Variants in ZNF514 observed in about 807,000 individuals in gnomAD.
ZNF514 encodes zinc finger protein 514.
ZNF514 carries 12 observed loss-of-function variants against 9.7 expected under a neutral mutation model. The ratio of observed to expected loss-of-function variants is 1.24; its 90% CI spans 0.79 to 2.01. The LOEUF (loss-of-function observed/expected upper bound fraction) is 2.01. Ranked by LOEUF, ZNF514 falls within the 30% of genes most tolerant of loss-of-function variation. ZNF514 has a pLI of 0.00. For synonymous variants in ZNF514, 158 were observed against 163.7 expected (o/e 0.97, Z 0.27); for missense variants, 467 against 465.5 (o/e 1.00, Z -0.03).
At chr2:95,135,566 C>T in the ZNF514 span, among the ~76,000 whole-genome samples, 110 of 151,784 alleles carry the variant, frequency 7.2e-4, no homozygotes, top group African/African-American at 2.3e-3. Flanking sequence ...GGACTACAGG[C>T]CCACACCACT....
chr2:95,150,343 T>C, intron 4 of ZNF514, 76 bp from the exon 5 acceptor site: 1 of 1,423,890 alleles, frequency 7.0e-7, no homozygotes. Flanking sequence ...AGCAAGCTCC[T>C]ATAATGAATG....
intron 4 of ZNF514, 26 bp downstream of exon 4, chr2:95,152,648 T>C: frequency 1.2e-6 from 2 of 1,601,240 alleles, no homozygotes; most frequent in Non-Finnish European, 1.7e-6. Flanking sequence ...CCTTATCATA[T>C]GCAATGCTTT....
chr2:95,159,244 G>C lies in ZNF514; in HGVS notation c.-100C>G, dbSNP rs1302379829. On this transcript the variant is annotated 5_prime_UTR_variant, in exon 1 of 5. Transcript: ENST00000295208. ...TCGCCAAGTCCGGCCTCCTACCCCC[G>C]GCTCGGCTCCTCCTCAGGACCAGGC... 1 of 191,166 alleles carries C rather than the reference G, an allele frequency of 5.2e-6. No homozygotes were observed. The highest frequency in any genetic ancestry group is 1.1e-5 in the Non-Finnish European group (1 of 91,962). The allele number at this position is 191,166 out of a possible 1,614,324, so 11.8% of individuals were successfully genotyped here.
Position 95,153,178 on chromosome 2 carries a change from A to G in ZNF514, c.76T>C (p.Tyr26His). Residue 26 changes from tyrosine to histidine, a missense_variant, in exon 3 of 5, where the codon TAC becomes CAC. Coordinates refer to ENST00000295208, the MANE Select transcript of ZNF514 (RefSeq NM_032788.3). The part of the protein sequence containing the change: ...GQLNPAQKDL[Y>H]REVMLENFRN... ...AAGTTCTCCAGCATCACCTCCCTGT[A>G]GAGGTCCTTCTGAGCAGGGTTCAGC... 2 of 1,614,104 alleles carry G rather than the reference A, an allele frequency of 1.2e-6. No individual in the cohort carries two copies. Among genetic ancestry groups the G allele is most frequent in the Middle Eastern group, 1.6e-4 (1 of 6,062 alleles).
At chr2:95,158,930 G>A in intron 1 of ZNF514, 3 of 1,289,772 alleles carry the variant, frequency 2.3e-6, no homozygotes, top group Non-Finnish European at 2.0e-6. Context: ...CTCCCCAAGA[G>A]GGCTCCTGGC....
At chr2:95,127,580 TG>T in the ZNF514 span, among the ~76,000 whole-genome samples, 1 of 151,768 alleles carries the variant, frequency 6.6e-6, no homozygotes, top group African/African-American at 2.4e-5. Flanking sequence ...TTTTTGTTTT[TG>T]TTTTTTTGTT....
chr2:95,132,550 A>T, the ZNF514 span, among the ~76,000 whole-genome samples: 1 of 152,122 alleles, frequency 6.6e-6, no homozygotes, highest in Non-Finnish European at 1.5e-5. Context: ...GCCATTCTGG[A>T]AAACATTTTG....
the ZNF514 span, among the ~76,000 whole-genome samples, chr2:95,130,847 G>C: frequency 2.6e-5 from 4 of 152,144 alleles, no homozygotes; most frequent in Non-Finnish European, 5.9e-5. Flanking sequence ...CTCCTCAACT[G>C]ACAGGATTAA....
At position 95,152,362 on chromosome 2, in the gene ZNF514, G is replaced by T. The variant is rs117363613; in HGVS notation, c.217+312C>A. Among the ~76,000 whole-genome samples the T allele has an allele frequency of 8.6e-4, 131 of 151,958 alleles. 2 individuals are homozygous for T. The East Asian group carries it at 0.023, about 26-fold the overall frequency. ...AACTCCCTTAACTCTGCTGATCTAG[G>T]ATTGCCTGGCCCTATACGATTGTTG... On this transcript the variant is annotated intron_variant, in intron 4 of 4. Coordinates refer to ENST00000295208, the MANE Select transcript of ZNF514 (RefSeq NM_032788.3).
chr2:95,126,758 C>A, the ZNF514 span, among the ~76,000 whole-genome samples: 1 of 151,982 alleles, frequency 6.6e-6, no homozygotes, highest in African/African-American at 2.4e-5. Context: ...CATGTGAGCC[C>A]ATTTTCTTTT....
At chr2:95,154,652 G>GA (rs1419320370) in intron 2 of ZNF514, 1 of 152,120 alleles carries the variant, frequency 6.6e-6, no homozygotes, top group Non-Finnish European at 1.5e-5. Flanking sequence ...AGTATTACAA[G>GA]AAAAAATGAG....
chr2:95,125,425 G>A, the ZNF514 span, among the ~76,000 whole-genome samples: 24 of 151,974 alleles, frequency 1.6e-4, no homozygotes, highest in South Asian at 3.3e-3. Flanking sequence ...ATTTTTAGTA[G>A]AGACAGGTTT....
At chr2:95,126,947 G>A in the ZNF514 span, among the ~76,000 whole-genome samples, 3 of 152,130 alleles carry the variant, frequency 2.0e-5, no homozygotes, top group Admixed American at 6.5e-5. Flanking sequence ...TGCGCCCACC[G>A]TGAGACAGAC....
chr2:95,144,087 G>T (rs533501861), downstream of ZNF514, among the ~76,000 whole-genome samples: 1 of 152,122 alleles, frequency 6.6e-6, no homozygotes. Context: ...TCAGGGCAGC[G>T]GTCCCAACTG....
In ZNF514 at chr2:95,149,510, G is replaced by C. The variant is rs775525634; in HGVS notation, c.975C>G (p.Phe325Leu). The stretch of plus-strand genomic sequence containing the variant: ...GCACAATGAGTGATGAGCTCTGGCT[G>C]AAGGTTCTCCCACATTCCCGGCATT... ...PYECRECGRT[F>L]SQSSSLIVHY... Residue 325 changes from phenylalanine to leucine, a missense_variant, in exon 5 of 5, where the codon TTC becomes TTG. Coordinates refer to ENST00000295208, the MANE Select transcript of ZNF514 (RefSeq NM_032788.3). 2.5e-6 allele frequency: 4 copies of C among 1,613,926 alleles called. No homozygotes were observed. In the South Asian group the frequency reaches 4.4e-5, roughly 18 times the overall value.
Position 95,149,555 on chromosome 2 carries a change from A to AT in ZNF514, c.929dup (p.His310GlnfsTer8), listed in dbSNP as rs1489971687. ...GGCATTCATAGGGCTTTTCTCCAGTATGAGTCCTCTGATGCTTAATAAGGG... is the reference window on the plus strand; with the variant it reads ...GGCATTCATAGGGCTTTTCTCCAGTATTGAGTCCTCTGATGCTTAATAAGGG... On this transcript the variant is annotated frameshift_variant, in exon 5 of 5. Coordinates refer to ENST00000295208, the MANE Select transcript of ZNF514 (RefSeq NM_032788.3). LOFTEE classifies it low-confidence loss of function (END_TRUNC). 1 of 1,613,832 alleles carries AT rather than the reference A, an allele frequency of 6.2e-7. No individual in the cohort carries two copies. The highest frequency in any genetic ancestry group is 1.3e-5 in the African/African-American group (1 of 74,830).
the ZNF514 span, among the ~76,000 whole-genome samples, chr2:95,123,201 A>G: frequency 6.6e-6 from 1 of 152,334 alleles, no homozygotes; most frequent in South Asian, 2.1e-4. Context: ...CACCTCATTA[A>G]AATCCTCTGT....
chr2:95,149,071 C>T lies in ZNF514; in HGVS notation c.*211G>A. On this transcript the variant is annotated 3_prime_UTR_variant, in exon 5 of 5. Coordinates refer to ENST00000295208, the MANE Select transcript of ZNF514 (RefSeq NM_032788.3). ...TTCATTACATTCACGTGGTTTCTCA[C>T]TAGTATGGATTCTCCCATGTTTGGT... The T allele has an allele frequency of 1.8e-6, 1 of 563,354 alleles. No homozygotes were observed. The highest frequency in any genetic ancestry group is 3.0e-6 in the Non-Finnish European group (1 of 331,666). 34.9% of individuals were successfully genotyped at this position (563,354 alleles called of 1,614,324 possible).
chr2:95,152,617 C>A, intron 4 of ZNF514, 57 bp downstream of exon 4: 2 of 1,461,728 alleles, frequency 1.4e-6, no homozygotes, highest in Non-Finnish European at 1.9e-6. Context: ...AGGCTCTGGG[C>A]TACCTCCCAC....
Sources: allele counts gnomAD v4.1 joint callset (sites outside exome capture counted in the v4.1 genomes callset), GRCh38; gene constraint gnomAD v4.1.1; transcripts MANE v1.5; gene names NCBI Gene and HGNC (gene_info 2026-07-23, HGNC 2026-07-21).